PRKN: variants seen among roughly 807,000 people sequenced by gnomAD.
PRKN encodes the protein E3 ubiquitin-protein ligase parkin.
In PRKN, 56 loss-of-function variants were observed where a neutral mutation model predicts 59.5. The ratio of observed to expected loss-of-function variants is 0.94; its 90% confidence interval spans 0.76 to 1.18. The LOEUF (loss-of-function observed/expected upper bound fraction) is 1.18. PRKN is among the 50% of genes most tolerant of loss of function. The pLI is 0.00. For synonymous variants in PRKN, 250 were observed against 222.1 expected, an observed-to-expected ratio of 1.13 and a Z score of -1.12; for missense variants, 657 against 596.4, an observed-to-expected ratio of 1.10 and a Z score of -1.06.
chr6:162,601,236 C>T (rs544010028), intron 1 of PRKN, among the ~76,000 whole-genome samples: 1 of 151,894 alleles, frequency 6.6e-6, no homozygotes, highest in African/African-American at 2.4e-5. Context: ...CCCCGATGAC[C>T]TTATCTAATC....
chr6:162,619,334 GATGGGGTTTCACC>G (rs1782561946), intron 1 of PRKN, among the ~76,000 whole-genome samples: 1 of 150,446 alleles, frequency 6.6e-6, no homozygotes, highest in Non-Finnish European at 1.5e-5. Flanking sequence ...TTTTAGTAGA[GATGGGGTTTCACC>G]ATGTTGGCTA....
chr6:161,580,262 G>C lies in PRKN; in HGVS notation c.872-10846C>G, dbSNP rs1160610691. ...ATCTGAGCACGTCTCATCTGTCAGA[G>C]AGTTTTACCAATGAGCTCAAATTTG... On this transcript the variant is annotated intron_variant, in intron 7 of 11. Coordinates refer to ENST00000366898, the MANE Select transcript of PRKN (RefSeq NM_004562.3). Among the ~76,000 whole-genome samples the C allele has an allele frequency of 2.6e-5, 4 of 152,106 alleles. No homozygotes were observed. In the East Asian group the frequency reaches 7.7e-4, roughly 29 times the overall value.
At chr6:161,919,183 C>T (rs1209142392) in intron 6 of PRKN, among the ~76,000 whole-genome samples, 1 of 152,070 alleles carries the variant, frequency 6.6e-6, no homozygotes, top group African/African-American at 2.4e-5. Flanking sequence ...TTTTGCTCAT[C>T]AAGAAGAGTT....
chr6:162,487,156 T>A (rs933897991), intron 1 of PRKN, among the ~76,000 whole-genome samples: 1 of 152,166 alleles, frequency 6.6e-6, no homozygotes, highest in African/African-American at 2.4e-5. Context: ...ATTAACTCTT[T>A]AAAATCTAAT....
chr6:162,680,658 T>G (rs1164884483), intron 1 of PRKN, among the ~76,000 whole-genome samples: 1 of 152,154 alleles, frequency 6.6e-6, no homozygotes, highest in African/African-American at 2.4e-5. Context: ...TAAATCAATT[T>G]TTTTTAAAAA....
chr6:162,169,860 C>A (rs909300053), intron 4 of PRKN, among the ~76,000 whole-genome samples: 1 of 152,142 alleles, frequency 6.6e-6, no homozygotes, highest in Non-Finnish European at 1.5e-5. Flanking sequence ...TACAACATCT[C>A]CTTGTATCTA....
chr6:161,732,870 C>G (rs1229312659), intron 7 of PRKN, among the ~76,000 whole-genome samples: 1 of 152,184 alleles, frequency 6.6e-6, no homozygotes, highest in Non-Finnish European at 1.5e-5. Context: ...CACTTGTTAG[C>G]AGTGAGCAGA....
chr6:162,627,179 T>G (rs1330796599), intron 1 of PRKN, among the ~76,000 whole-genome samples: 3 of 152,182 alleles, frequency 2.0e-5, no homozygotes, highest in Admixed American at 1.3e-4. Context: ...TAAGAGGGCT[T>G]GATACTTGGG....
chr6:161,574,794 T>C (rs1220849064), intron 7 of PRKN, among the ~76,000 whole-genome samples: 2 of 152,208 alleles, frequency 1.3e-5, no homozygotes, highest in East Asian at 3.8e-4. Context: ...TCTCCTTAAA[T>C]TGTTATTCTG....
At position 162,450,380 on chromosome 6, in the gene PRKN, T is replaced by A. The variant is rs867090850; in HGVS notation, c.8-6907A>T. On this transcript the variant is annotated intron_variant, in intron 1 of 11. Transcript: ENST00000366898. ...AATGTAAACGCCCCTGTGATTGTAA[T>A]CCCCCTGTGAATGTAAACGCCCCTA... Among the ~76,000 whole-genome samples the A allele has an allele frequency of 8.7e-3, 817 of 93,756 alleles. 9 individuals are homozygous for A. The highest frequency in any genetic ancestry group is 0.028 in the African/African-American group (752 of 26,988). 61.5% of individuals were successfully genotyped at this position (93,756 alleles called of 152,430 possible). A position where few individuals can be genotyped will look rare whatever the true frequency, so the allele number is the denominator to read the frequency against.
intron 7 of PRKN, among the ~76,000 whole-genome samples, chr6:161,627,740 G>A (rs1231559732): frequency 1.3e-5 from 2 of 152,190 alleles, no homozygotes; most frequent in Non-Finnish European, 2.9e-5. Context: ...GCAGAGATGA[G>A]CCTGTTCTAT....
chr6:161,691,082 C>A, intron 7 of PRKN, among the ~76,000 whole-genome samples: 1 of 152,102 alleles, frequency 6.6e-6, no homozygotes, highest in East Asian at 1.9e-4. Flanking sequence ...ATCCACCCAC[C>A]CCTATCCTAT....
chr6:161,649,394 T>C (rs1784073145), intron 7 of PRKN, among the ~76,000 whole-genome samples: 1 of 152,230 alleles, frequency 6.6e-6, no homozygotes, highest in African/African-American at 2.4e-5. Context: ...GATGCTTCTC[T>C]GGCTTAAAGA....
Position 162,175,876 on chromosome 6 carries a change from C to T in PRKN, c.534+25255G>A, listed in dbSNP as rs562410609. On this transcript the variant is annotated intron_variant, in intron 4 of 11. Coordinates refer to ENST00000366898, the MANE Select transcript of PRKN (RefSeq NM_004562.3). ...AGTCTCAGTAAATATCTGTGCTGCC[C>T]CATCTCCATGAATTCTCCATATAAA... 1.3e-4 allele frequency among the ~76,000 whole-genome samples: 20 copies of T among 152,264 alleles called. No homozygotes were observed. The South Asian group carries it at 3.9e-3, about 30-fold the overall frequency.
At chr6:162,575,181 C>T (rs1780508965) in intron 1 of PRKN, among the ~76,000 whole-genome samples, 1 of 152,158 alleles carries the variant, frequency 6.6e-6, no homozygotes, top group Non-Finnish European at 1.5e-5. Flanking sequence ...GGCCATGCAC[C>T]TGGATCTGCA....
At chr6:162,690,310 G>C (rs1777728677) in intron 1 of PRKN, among the ~76,000 whole-genome samples, 1 of 152,194 alleles carries the variant, frequency 6.6e-6, no homozygotes, top group South Asian at 2.1e-4. Flanking sequence ...AGCAGGCACA[G>C]AATGAGAAAG....
chr6:161,501,478 T>C (rs1777961813), intron 9 of PRKN, among the ~76,000 whole-genome samples: 2 of 152,248 alleles, frequency 1.3e-5, no homozygotes, highest in Non-Finnish European at 2.9e-5. Context: ...ATAGTTTTCT[T>C]ACTGTCAATT....
intron 7 of PRKN, among the ~76,000 whole-genome samples, chr6:161,651,920 C>A (rs922890062): frequency 1.3e-5 from 2 of 152,204 alleles, no homozygotes; most frequent in African/African-American, 4.8e-5. Context: ...ATACAACAGT[C>A]ATCTGTGTTA....
In PRKN at chr6:162,405,680, TA is replaced by T. The variant is rs577406419; in HGVS notation, c.171+37629del. 5.9e-3 allele frequency among the ~76,000 whole-genome samples: 892 copies of T among 152,208 alleles called. 3 individuals carry two copies. Among genetic ancestry groups the T allele is most frequent in the Middle Eastern group, 0.014 (4 of 294 alleles). ...GAATCTAATCTGAATGGTGTCCTTA[TA>T]GGAAGGCAAGATTAGGACAGGAGAG... is the stretch of plus-strand genomic sequence containing the variant. On this transcript the variant is annotated intron_variant, in intron 2 of 11. Coordinates refer to ENST00000366898, the MANE Select transcript of PRKN (RefSeq NM_004562.3).
Sources: allele counts gnomAD v4.1 joint callset (sites outside exome capture counted in the v4.1 genomes callset), GRCh38; gene constraint gnomAD v4.1.1; transcripts MANE v1.5; gene names NCBI Gene and HGNC (gene_info 2026-07-23, HGNC 2026-07-21).